CAST: variants seen among roughly 807,000 people sequenced by gnomAD.
The protein encoded by CAST is calpastatin.
A neutral mutation model predicts 119.6 loss-of-function variants in CAST; 76 were observed. That is an observed-to-expected ratio of 0.64 (90% CI 0.53 to 0.77). The LOEUF is 0.77. Ranked by LOEUF, CAST falls within the 30% of genes least tolerant of loss-of-function variation. CAST has a pLI of 0.00. For missense variants in CAST, 953 were observed against 946.5 expected, an observed-to-expected ratio of 1.01 and a Z score of -0.09; for synonymous variants, 319 against 331.6, an observed-to-expected ratio of 0.96 and a Z score of 0.41.
At chr5:95,992,401 C>G in the CAST span, among the ~76,000 whole-genome samples, 1 of 150,722 alleles carries the variant, frequency 6.6e-6, no homozygotes, top group Non-Finnish European at 1.5e-5. Flanking sequence ...GGGTACTTCT[C>G]TATGCTTTTT....
chr5:96,068,988 GATGTATAT>G, the CAST span, among the ~76,000 whole-genome samples: 3 of 150,306 alleles, frequency 2.0e-5, no homozygotes, highest in Non-Finnish European at 4.4e-5. Flanking sequence ...TGTATATACG[GATGTATAT>G]ATGTATATAT....
intron 1 of CAST, among the ~76,000 whole-genome samples, chr5:96,554,084 C>G (rs1746186658): frequency 6.6e-6 from 1 of 152,186 alleles, no homozygotes; most frequent in Non-Finnish European, 1.5e-5. Flanking sequence ...CAAGAAAGAG[C>G]CTGCATAGCC....
chr5:96,650,238 C>A (rs1387154387), intron 1 of CAST, among the ~76,000 whole-genome samples: 1 of 152,184 alleles, frequency 6.6e-6, no homozygotes, highest in Non-Finnish European at 1.5e-5. Flanking sequence ...GGATGAGGGT[C>A]ACTTCCAGTT....
chr5:96,320,513 C>T, the CAST span, among the ~76,000 whole-genome samples: 1 of 152,142 alleles, frequency 6.6e-6, no homozygotes, highest in African/African-American at 2.4e-5. Flanking sequence ...GTTGGGATTA[C>T]AGGCGTGAGT....
At chr5:96,425,693 C>T in the CAST span, 3 of 683,402 alleles carry the variant, frequency 4.4e-6, no homozygotes, top group Non-Finnish European at 5.3e-6. Flanking sequence ...GCCCTAATCT[C>T]CAGACAATAT....
chr5:96,737,588 C>T (rs1761923235), intron 10 of CAST, among the ~76,000 whole-genome samples: 1 of 152,078 alleles, frequency 6.6e-6, no homozygotes, highest in Non-Finnish European at 1.5e-5. Context: ...TACATTTGTT[C>T]ATGTATGTAA....
intron 4 of CAST, among the ~76,000 whole-genome samples, chr5:96,724,212 C>A (rs989537841): frequency 1.3e-5 from 2 of 151,440 alleles, no homozygotes; most frequent in Admixed American, 1.3e-4. Flanking sequence ...GGCAGGGTCT[C>A]GCTCTGTCTT....
chr5:96,247,603 T>C, the CAST span, among the ~76,000 whole-genome samples: 1 of 152,200 alleles, frequency 6.6e-6, no homozygotes, highest in Non-Finnish European at 1.5e-5. Flanking sequence ...ACTTTTTCTT[T>C]CCCTCTAAGG....
chr5:96,493,789 A>G, the CAST span, among the ~76,000 whole-genome samples: 1 of 152,226 alleles, frequency 6.6e-6, no homozygotes, highest in Admixed American at 6.5e-5. Flanking sequence ...CTGTAATCCC[A>G]GCACTTTGGG....
the CAST span, among the ~76,000 whole-genome samples, chr5:96,068,143 A>G: frequency 1.1e-4 from 17 of 152,300 alleles, no homozygotes; most frequent in African/African-American, 3.6e-4. Context: ...ACATCTAGAC[A>G]CATCTTGATA....
chr5:96,247,962 A>T, the CAST span: 1 of 152,266 alleles, frequency 6.6e-6, no homozygotes, highest in Admixed American at 6.5e-5. Flanking sequence ...TTCCTGGCTT[A>T]TAGCCTCAGC....
chr5:96,654,520 T>C (rs748519717), intron 1 of CAST, among the ~76,000 whole-genome samples: 3 of 152,176 alleles, frequency 2.0e-5, no homozygotes, highest in Non-Finnish European at 4.4e-5. Flanking sequence ...TTCTCCGATG[T>C]TATATTTTAA....
chr5:95,980,047 G>A, the CAST span, among the ~76,000 whole-genome samples: 2 of 152,136 alleles, frequency 1.3e-5, no homozygotes, highest in Non-Finnish European at 2.9e-5. Context: ...GAACCTGGGA[G>A]GCGGAGGTTG....
chr5:96,098,233 C>G, the CAST span, among the ~76,000 whole-genome samples: 4 of 152,156 alleles, frequency 2.6e-5, no homozygotes, highest in Admixed American at 2.0e-4. Flanking sequence ...AGACCTTTGT[C>G]AGATGCATAG....
chr5:96,234,011 G>T, the CAST span, among the ~76,000 whole-genome samples: 1 of 152,128 alleles, frequency 6.6e-6, no homozygotes, highest in Non-Finnish European at 1.5e-5. Context: ...GAATAAATTA[G>T]ATCCTTTGGT....
the CAST span, among the ~76,000 whole-genome samples, chr5:96,009,908 G>A: frequency 1.6e-4 from 24 of 152,244 alleles, no homozygotes; most frequent in African/African-American, 5.5e-4. Context: ...TTTTCTTCTA[G>A]TATTTTTATG....
intron 20 of CAST, among the ~76,000 whole-genome samples, chr5:96,751,936 A>G (rs999505051): frequency 6.6e-6 from 1 of 152,000 alleles, no homozygotes; most frequent in Admixed American, 6.6e-5. Flanking sequence ...AACCCCACCA[A>G]CTCTGGCCAT....
At chr5:96,599,666 A>G (rs541025321) in intron 1 of CAST, among the ~76,000 whole-genome samples, 9 of 152,188 alleles carry the variant, frequency 5.9e-5, no homozygotes, top group Admixed American at 5.9e-4. Context: ...CAGATACAAA[A>G]ATGTTTGCAG....
At chr5:96,673,110 G>T (rs1410651361) in intron 1 of CAST, among the ~76,000 whole-genome samples, 1 of 152,068 alleles carries the variant, frequency 6.6e-6, no homozygotes, top group Non-Finnish European at 1.5e-5. Flanking sequence ...AGTAAATGAG[G>T]CACTCAAAAT....
Sources: gnomAD v4.1 joint callset for allele counts (sites outside exome capture counted in the v4.1 genomes callset) on GRCh38, gnomAD v4.1.1 for gene constraint, MANE v1.5 for transcripts, NCBI Gene and HGNC (gene_info 2026-07-23, HGNC 2026-07-21) for gene names.